NLGN1: variants seen among roughly 807,000 people sequenced by gnomAD.
NLGN1 encodes neuroligin 1, also known as neuroligin-1.
NLGN1 carries 12 observed loss-of-function variants against 65.5 expected under a neutral mutation model. That is an observed-to-expected ratio of 0.18 (90% confidence interval 0.12 to 0.30). The LOEUF (loss-of-function observed/expected upper bound fraction) is 0.30. NLGN1 is among the 10% of genes least tolerant of loss of function. The probability of loss-of-function intolerance (pLI) is 1.00; values close to 1 mark genes in which losing one functional copy is unlikely to be tolerated. For synonymous variants in NLGN1, 350 were observed against 359.5 expected (o/e 0.97, Z 0.30); for missense variants, 750 against 1,007.1 (o/e 0.74, Z 3.46).
intron 2 of NLGN1, among the ~76,000 whole-genome samples, chr3:173,588,957 C>T (rs13315163): frequency 0.089 from 13,489 of 152,072 alleles, 1,022 homozygotes; most frequent in African/African-American, 0.21. Flanking sequence ...TATTAGGGAC[C>T]GCTAAAGGAA....
At chr3:173,696,957 A>G (rs1013370388) in intron 3 of NLGN1, among the ~76,000 whole-genome samples, 1 of 152,170 alleles carries the variant, frequency 6.6e-6, no homozygotes, top group African/African-American at 2.4e-5. Flanking sequence ...ATGAAGAAAA[A>G]ATTTATGACT....
chr3:173,539,452 C>T lies in NLGN1; in HGVS notation c.-320-64827C>T, dbSNP rs187289686. 5.5e-3 allele frequency among the ~76,000 whole-genome samples: 780 copies of T among 143,098 alleles called. 19 individuals are homozygous for T. The South Asian group carries it at 0.058, about 11-fold the overall frequency. The allele number at this position is 143,098 out of a possible 152,430, so 93.9% of individuals were successfully genotyped here. On this transcript the variant is annotated intron_variant, in intron 2 of 6. Coordinates refer to ENST00000457714, the Ensembl canonical transcript of NLGN1. Reference sequence around the variant, plus strand: ...TAACATATATATGTACATGTATATACATACATGTACATATGTATATACGCA... The same window carrying T: ...TAACATATATATGTACATGTATATATATACATGTACATATGTATATACGCA...
chr3:173,576,677 G>C (rs900536517), intron 2 of NLGN1, among the ~76,000 whole-genome samples: 2 of 151,960 alleles, frequency 1.3e-5, no homozygotes, highest in African/African-American at 2.4e-5. Context: ...TACCCATCTA[G>C]ATAACCCAGA....
At chr3:173,913,119 A>G (rs1739967147) in intron 4 of NLGN1, among the ~76,000 whole-genome samples, 1 of 152,178 alleles carries the variant, frequency 6.6e-6, no homozygotes, top group Admixed American at 6.6e-5. Context: ...CTCTGCAAAC[A>G]CTTTTGTGCA....
chr3:173,777,150 C>T (rs1335014792), intron 3 of NLGN1, among the ~76,000 whole-genome samples: 1 of 151,860 alleles, frequency 6.6e-6, no homozygotes, highest in Non-Finnish European at 1.5e-5. Flanking sequence ...ACAGTACCTA[C>T]CTAATAGGCG....
intron 2 of NLGN1, among the ~76,000 whole-genome samples, chr3:173,497,585 A>G (rs1469160639): frequency 6.6e-6 from 1 of 151,804 alleles, no homozygotes; most frequent in Non-Finnish European, 1.5e-5. Flanking sequence ...TAAAAAAATA[A>G]CAAAATAATT....
chr3:174,084,569 A>G lies in NLGN1; in HGVS notation c.647-190746A>G, dbSNP rs542973160. Among the ~76,000 whole-genome samples the G allele has an allele frequency of 2.0e-5, 3 of 152,234 alleles. No individual in the cohort carries two copies. The South Asian group carries it at 6.2e-4, about 32-fold the overall frequency. On this transcript the variant is annotated intron_variant, in intron 4 of 6. Transcript: ENST00000457714. ...ATATAATAGAAACCAGATAACCAAA[A>G]TAAGGGAGAGATTATAATTGTGTTT...
chr3:173,965,833 G>T (rs1489363557), intron 4 of NLGN1, among the ~76,000 whole-genome samples: 3 of 152,088 alleles, frequency 2.0e-5, no homozygotes, highest in African/African-American at 7.2e-5. Context: ...AGAGAAAAAA[G>T]GGCATGTTTT....
chr3:174,116,330 CTT>C (rs1168837585), intron 4 of NLGN1, among the ~76,000 whole-genome samples: 9,379 of 69,048 alleles, frequency 0.14, 2,830 homozygotes, highest in African/African-American at 0.31. Flanking sequence ...TCTGGGTTTT[CTT>C]TTTTTTTTTT....
At chr3:174,080,957 G>GTGTGTGTGTGTGTGTGTGTGT (rs1580188754) in intron 4 of NLGN1, among the ~76,000 whole-genome samples, 1 of 149,522 alleles carries the variant, frequency 6.7e-6, no homozygotes, top group African/African-American at 2.5e-5. Context: ...GTGTGTGTGT[G>GTGTGTGTGTGTGTGTGTGTGT]GTGATAGGGG....
rs373112258 is a variant in NLGN1 at position 173,501,258 on chromosome 3, C to T, written c.-321+66180C>T. Among the ~76,000 whole-genome samples, 78 of 152,128 alleles carry T rather than the reference C, an allele frequency of 5.1e-4. No homozygotes were observed. The Middle Eastern group carries it at 0.01, about 20-fold the overall frequency. Reference sequence around the variant, plus strand: ...ATTTATCCTGATGCTCTCCCTCCCCCGGCAGTCCACCAGCAGGTTCCAGTG... The same window carrying T: ...ATTTATCCTGATGCTCTCCCTCCCCTGGCAGTCCACCAGCAGGTTCCAGTG... On this transcript the variant is annotated intron_variant, in intron 2 of 6. Transcript: ENST00000457714.
At chr3:174,053,019 C>T (rs538179314) in intron 4 of NLGN1, among the ~76,000 whole-genome samples, 1 of 152,114 alleles carries the variant, frequency 6.6e-6, no homozygotes, top group Admixed American at 6.6e-5. Context: ...ATTTGCACTC[C>T]ATTCTTATCC....
intron 4 of NLGN1, among the ~76,000 whole-genome samples, chr3:173,884,639 T>G (rs1273707598): frequency 7.2e-5 from 11 of 152,208 alleles, no homozygotes; most frequent in Admixed American, 7.2e-4. Context: ...TACATGTGCA[T>G]GTACATAGGA....
At chr3:173,640,856 G>A (rs1265471114) in intron 3 of NLGN1, among the ~76,000 whole-genome samples, 1 of 152,058 alleles carries the variant, frequency 6.6e-6, no homozygotes, top group Non-Finnish European at 1.5e-5. Flanking sequence ...AAACACTTTG[G>A]CAAGAATATT....
chr3:173,808,688 A>G lies in NLGN1; in HGVS notation c.646+856A>G, dbSNP rs557315098. 2.0e-5 allele frequency among the ~76,000 whole-genome samples: 3 copies of G among 152,292 alleles called. No individual in the cohort carries two copies. In the East Asian group the frequency reaches 5.8e-4, roughly 29 times the overall value. On this transcript the variant is annotated intron_variant, in intron 4 of 6. Transcript: ENST00000457714. ...TAAAAGAGCACAATGCATCCACAAA[A>G]TACTTAACTTTTTAATCTTAATTGT...
At chr3:173,942,170 A>ATT (rs994890872) in intron 4 of NLGN1, among the ~76,000 whole-genome samples, 3 of 149,944 alleles carry the variant, frequency 2.0e-5, no homozygotes, top group African/African-American at 7.4e-5. Context: ...GTGTATATAT[A>ATT]ATATGTGTAT....
intron 3 of NLGN1, among the ~76,000 whole-genome samples, chr3:173,732,287 G>A (rs1055633785): frequency 6.6e-6 from 1 of 152,048 alleles, no homozygotes; most frequent in African/African-American, 2.4e-5. Context: ...TACAGTGTGA[G>A]GCTTACATTG....
chr3:173,550,016 G>A (rs551042872), intron 2 of NLGN1, among the ~76,000 whole-genome samples: 1 of 152,088 alleles, frequency 6.6e-6, no homozygotes, highest in Admixed American at 6.6e-5. Context: ...GAGGATCTAG[G>A]TCAACTGAGT....
intron 4 of NLGN1, among the ~76,000 whole-genome samples, chr3:174,083,847 GA>G (rs889569359): frequency 2.0e-5 from 3 of 151,372 alleles, no homozygotes; most frequent in Middle Eastern, 3.2e-3. Flanking sequence ...TGACAAGAGT[GA>G]AAAAAAAGAG....
Sources: allele counts gnomAD v4.1 joint callset (sites outside exome capture counted in the v4.1 genomes callset), GRCh38; gene constraint gnomAD v4.1.1; transcripts MANE v1.5; gene names NCBI Gene and HGNC (gene_info 2026-07-23, HGNC 2026-07-21).